The following SSBP2 variants were observed in gnomAD, a reference collection of about 807,000 sequenced individuals.
SSBP2 encodes the protein single stranded DNA binding protein 2.
SSBP2 carries 17 observed loss-of-function variants against 61.8 expected under a neutral mutation model. The ratio of observed to expected loss-of-function variants is 0.28; its 90% CI spans 0.19 to 0.41. SSBP2 has a LOEUF of 0.41. Among genes scored for constraint, SSBP2 ranks in the 10% least tolerant of loss-of-function variants. The pLI is 1.00. For missense variants in SSBP2, 310 were observed against 458.7 expected (o/e 0.68, Z 2.96); for synonymous variants, 139 against 141.3 (o/e 0.98, Z 0.12).
intron 4 of SSBP2, among the ~76,000 whole-genome samples, chr5:81,516,580 G>T (rs1769032747): frequency 6.6e-6 from 1 of 151,968 alleles, no homozygotes; most frequent in South Asian, 2.1e-4. Flanking sequence ...ATTGGCAAAA[G>T]ATTATTCCCT....
chr5:81,438,245 G>A (rs1297060149), intron 14 of SSBP2, among the ~76,000 whole-genome samples: 1 of 151,802 alleles, frequency 6.6e-6, no homozygotes, highest in Non-Finnish European at 1.5e-5. Flanking sequence ...CAGCTACTCG[G>A]GAGGCTGAGG....
chr5:81,528,774 A>G (rs1180952564), intron 4 of SSBP2, among the ~76,000 whole-genome samples: 1 of 152,088 alleles, frequency 6.6e-6, no homozygotes, highest in African/African-American at 2.4e-5. Context: ...AGATACAAAG[A>G]CGGTCTTTAG....
intron 1 of SSBP2, among the ~76,000 whole-genome samples, chr5:81,734,557 T>C (rs1581443820): frequency 1.3e-5 from 2 of 152,244 alleles, no homozygotes; most frequent in African/African-American, 4.8e-5. Flanking sequence ...CAAAGGAAAA[T>C]GGAAGCCAGT....
chr5:81,737,801 A>C (rs976081379), intron 1 of SSBP2, among the ~76,000 whole-genome samples: 4 of 151,320 alleles, frequency 2.6e-5, no homozygotes, highest in African/African-American at 9.7e-5. Flanking sequence ...AAAAAAAAAA[A>C]AACAAAAAAC....
At chr5:81,652,803 T>A (rs967879026) in intron 1 of SSBP2, among the ~76,000 whole-genome samples, 71 of 152,178 alleles carry the variant, frequency 4.7e-4, no homozygotes, top group African/African-American at 1.6e-3. Context: ...TTTGATTACA[T>A]GAGTAAGTTC....
At chr5:81,728,681 T>C (rs1007689821) in intron 1 of SSBP2, among the ~76,000 whole-genome samples, 4 of 152,338 alleles carry the variant, frequency 2.6e-5, no homozygotes, top group East Asian at 1.9e-4. Flanking sequence ...AGAAACTATA[T>C]ATCTTACAGA....
intron 4 of SSBP2, among the ~76,000 whole-genome samples, chr5:81,586,550 T>C (rs1487531150): frequency 6.6e-6 from 1 of 151,706 alleles, no homozygotes; most frequent in African/African-American, 2.4e-5. Context: ...TGAGGAAACA[T>C]TCCAGTTCTG....
intron 4 of SSBP2, among the ~76,000 whole-genome samples, chr5:81,544,764 G>A (rs1006761078): frequency 1.3e-5 from 2 of 152,174 alleles, no homozygotes; most frequent in Admixed American, 1.3e-4. Context: ...ACCTGTTTTT[G>A]CTTCTCAGAC....
chr5:81,452,165 C>T (rs1763822384), intron 10 of SSBP2, among the ~76,000 whole-genome samples: 2 of 152,192 alleles, frequency 1.3e-5, no homozygotes, highest in African/African-American at 2.4e-5. Flanking sequence ...TAGTGTGGGG[C>T]TTATAGGGGG....
chr5:81,690,824 C>G (rs1753148181), intron 1 of SSBP2, among the ~76,000 whole-genome samples: 1 of 152,086 alleles, frequency 6.6e-6, no homozygotes, highest in Non-Finnish European at 1.5e-5. Flanking sequence ...GGCCACAAAA[C>G]AAGTCTTAAA....
At chr5:81,686,455 A>G (rs1752778584) in intron 1 of SSBP2, among the ~76,000 whole-genome samples, 1 of 152,154 alleles carries the variant, frequency 6.6e-6, no homozygotes, top group Non-Finnish European at 1.5e-5. Context: ...TAGGAAATGT[A>G]TTTTTTATAT....
chr5:81,714,714 T>C (rs1755055200), intron 1 of SSBP2, among the ~76,000 whole-genome samples: 1 of 152,256 alleles, frequency 6.6e-6, no homozygotes, highest in South Asian at 2.1e-4. Flanking sequence ...GAAGTGTCTG[T>C]TCATATCCTT....
At chr5:81,576,224 T>G (rs563824590) in intron 4 of SSBP2, among the ~76,000 whole-genome samples, 8 of 151,892 alleles carry the variant, frequency 5.3e-5, no homozygotes, top group Non-Finnish European at 1.2e-4. Flanking sequence ...TAAGGAATAA[T>G]TGTCAGTTTT....
chr5:81,573,114 A>C (rs1028795190), intron 4 of SSBP2, among the ~76,000 whole-genome samples: 1 of 152,188 alleles, frequency 6.6e-6, no homozygotes, highest in Non-Finnish European at 1.5e-5. Flanking sequence ...GGACCTACAT[A>C]CTTAATAAAA....
At chr5:81,475,156 C>T (rs1765503040) in intron 6 of SSBP2, among the ~76,000 whole-genome samples, 1 of 151,996 alleles carries the variant, frequency 6.6e-6, no homozygotes, top group African/African-American at 2.4e-5. Flanking sequence ...TATACTGAAC[C>T]ATAAGTTTCT....
chr5:81,659,652 TA>T (rs1290655603), intron 1 of SSBP2, among the ~76,000 whole-genome samples: 1 of 151,820 alleles, frequency 6.6e-6, no homozygotes, highest in Admixed American at 6.6e-5. Flanking sequence ...TTCACAGAAC[TA>T]AAAAAAACTA....
At chr5:81,594,290 A>G (rs974032722) in intron 4 of SSBP2, among the ~76,000 whole-genome samples, 1 of 152,186 alleles carries the variant, frequency 6.6e-6, no homozygotes, top group African/African-American at 2.4e-5. Flanking sequence ...AAGAAGAGCT[A>G]ACTATCCTAA....
chr5:81,751,146 A>C, upstream of SSBP2: 2 of 1,183,164 alleles, frequency 1.7e-6, no homozygotes, highest in Non-Finnish European at 2.4e-6. Flanking sequence ...CACCCCCACT[A>C]TTGGCCGCCC....
At chr5:81,560,463 G>C (rs1474288251) in intron 4 of SSBP2, among the ~76,000 whole-genome samples, 2 of 152,178 alleles carry the variant, frequency 1.3e-5, no homozygotes, top group African/African-American at 4.8e-5. Flanking sequence ...AAGAAGCTCA[G>C]AATCAGTTTG....
Sources: gnomAD v4.1 joint callset for allele counts (sites outside exome capture counted in the v4.1 genomes callset) on GRCh38, gnomAD v4.1.1 for gene constraint, MANE v1.5 for transcripts, NCBI Gene and HGNC (gene_info 2026-07-23, HGNC 2026-07-21) for gene names.